The following CLSTN1 variants were observed in gnomAD, a reference collection of about 807,000 sequenced individuals.
CLSTN1 encodes the protein calsyntenin-1.
CLSTN1 carries 28 observed loss-of-function variants against 108.3 expected under a neutral mutation model. The observed-to-expected ratio is 0.26, with a 90% CI of 0.19 to 0.35. The LOEUF (loss-of-function observed/expected upper bound fraction) is 0.35, where lower values mean the gene tolerates loss of function less well. Ranked by LOEUF, CLSTN1 falls within the 10% of genes least tolerant of loss-of-function variation. The probability of loss-of-function intolerance (pLI) is 1.00; values close to 1 mark genes in which losing one functional copy is unlikely to be tolerated. For missense variants in CLSTN1, 1,157 were observed against 1,302.6 expected, an observed-to-expected ratio of 0.89 and a Z score of 1.72; for synonymous variants, 524 against 534.9, an observed-to-expected ratio of 0.98 and a Z score of 0.28.
chr1:9,818,003 CTTTTTT>C (rs35244076), intron 1 of CLSTN1, among the ~76,000 whole-genome samples: 5 of 89,140 alleles, frequency 5.6e-5, no homozygotes, highest in Non-Finnish European at 1.1e-4. Flanking sequence ...GTTAGTTTGG[CTTTTTT>C]TTTTTTTTTT....
In CLSTN1 at chr1:9,735,066, G is replaced by C; in HGVS notation, c.1992C>G (p.Ala664=). 6.2e-7 allele frequency: 1 copy of C among 1,614,246 alleles called. No homozygotes were observed. The highest frequency in any genetic ancestry group is 8.5e-7 in the Non-Finnish European group (1 of 1,180,048). The change falls in exon 14 of 19, where the codon GCC becomes GCG. Residue 664 remains alanine, a synonymous_variant. Transcript: ENST00000377298. ...KISLSGVHHF[A]RAASEFESSE... Reference sequence around the variant, plus strand: ...AGCTTTCAAATTCAGAAGCTGCTCGGGCAAAATGGTGGACGCCACTCAGGC... The same window carrying C: ...AGCTTTCAAATTCAGAAGCTGCTCGCGCAAAATGGTGGACGCCACTCAGGC...
intron 2 of CLSTN1, among the ~76,000 whole-genome samples, chr1:9,768,667 C>T (rs868091345): frequency 1.2e-4 from 6 of 49,536 alleles, no homozygotes; most frequent in Middle Eastern, 0.022. Context: ...ATCATGGGGG[C>T]GGGGTTCTGT....
intron 1 of CLSTN1, among the ~76,000 whole-genome samples, chr1:9,774,862 C>T (rs185800752): frequency 2.0e-5 from 3 of 152,238 alleles, no homozygotes; most frequent in East Asian, 3.9e-4. Flanking sequence ...CTTGATTACA[C>T]GCTAAACGAA....
rs70998306 is a variant in CLSTN1, at chr1:9,747,176, C to CAAAA, written c.985+2281_985+2284dup. On this transcript the variant is annotated intron_variant, in intron 7 of 18. Transcript: ENST00000377298. Reference sequence around the variant, plus strand: ...CCTGGGCGACAGAGGGAGACTGTCTCAAAAAAAAAAAAAAAAAAAAAAAAA... The same window carrying CAAAA: ...CCTGGGCGACAGAGGGAGACTGTCTCAAAAAAAAAAAAAAAAAAAAAAAAAAAAA... Among the ~76,000 whole-genome samples, 36 of 32,740 alleles carry CAAAA rather than the reference C, an allele frequency of 1.1e-3. 2 individuals are homozygous for CAAAA. The highest frequency in any genetic ancestry group is 2.6e-3 in the African/African-American group (32 of 12,122). 21.5% of individuals were successfully genotyped at this position (32,740 alleles called of 152,430 possible).
intron 2 of CLSTN1, among the ~76,000 whole-genome samples, chr1:9,766,456 G>A (rs1055063332): frequency 2.6e-5 from 4 of 152,210 alleles, no homozygotes; most frequent in Non-Finnish European, 2.9e-5. Flanking sequence ...CCAGGAGTTC[G>A]AGACCAGCCT....
At chr1:9,760,306 G>A (rs1652008739) in intron 2 of CLSTN1, among the ~76,000 whole-genome samples, 2 of 152,256 alleles carry the variant, frequency 1.3e-5, no homozygotes, top group African/African-American at 4.8e-5. Flanking sequence ...GTAGTTCAAG[G>A]TGGCAGGTGC....
chr1:9,787,037 G>A (rs1653528971), intron 1 of CLSTN1, among the ~76,000 whole-genome samples: 1 of 151,342 alleles, frequency 6.6e-6, no homozygotes, highest in Admixed American at 6.7e-5. Flanking sequence ...GGGGTGAAGA[G>A]GTGGCTGCAG....
At position 9,733,541 on chromosome 1, in the gene CLSTN1, C is replaced by A; in HGVS notation, c.2287G>T (p.Asp763Tyr). Reference protein sequence around the residue: ...SELGMTFTGVDTMASYEEVLH... With the variant: ...SELGMTFTGVYTMASYEEVLH... The stretch of plus-strand genomic sequence containing the variant: ...ACCTCCTCGTAGCTGGCCATGGTGT[C>A]CACGCCTGCAGGGGTTGAAAGGGGG... Residue 763 changes from aspartate (D) to tyrosine (Y), a missense_variant, in exon 16 of 19, where the codon GAC (aspartate) becomes TAC (tyrosine). By Grantham distance (160) the Asp-to-Tyr change is radical (BLOSUM62 -3). Transcript: ENST00000377298. The A allele has an allele frequency of 6.2e-7, 1 of 1,613,942 alleles. No homozygotes were observed. The highest frequency in any genetic ancestry group is 8.5e-7 in the Non-Finnish European group (1 of 1,179,992).
At chr1:9,786,673 A>C (rs1479752930) in intron 1 of CLSTN1, among the ~76,000 whole-genome samples, 20 of 149,726 alleles carry the variant, frequency 1.3e-4, no homozygotes, top group African/African-American at 4.4e-4. Flanking sequence ...AAAAAAAAAA[A>C]CAAAGGTGAG....
intron 16 of CLSTN1, 46 bp from the exon 17 acceptor site, chr1:9,731,942 C>T (rs754770899): frequency 8.1e-6 from 13 of 1,612,704 alleles, no homozygotes; most frequent in Non-Finnish European, 9.3e-6. Flanking sequence ...CATCCTGAGC[C>T]TGTCCAAGAG....
chr1:9,780,868 G>A, intron 1 of CLSTN1: 1 of 274,270 alleles, frequency 3.6e-6, no homozygotes, highest in Non-Finnish European at 6.7e-6. Context: ...AGCCGTGGCA[G>A]CGAATCCAAA....
At chr1:9,733,644 A>C in intron 15 of CLSTN1, 98 bp from the exon 16 acceptor site, 1 of 1,427,888 alleles carries the variant, frequency 7.0e-7, no homozygotes, top group Admixed American at 1.8e-5. Context: ...TTAGACACCC[A>C]GGTTAGCTAG....
At position 9,749,751 on chromosome 1, in the gene CLSTN1, G is replaced by A; in HGVS notation, c.799+13C>T. On this transcript the variant is annotated intron_variant, in intron 6 of 18. Coordinates refer to ENST00000377298, the MANE Select transcript of CLSTN1 (RefSeq NM_001009566.3). ...AGAGCAGATGTGAGCGCAGGGGAGA[G>A]AATGAAGCTCACCTTGCCACCCAGG... is the stretch of plus-strand genomic sequence containing the variant. 1.2e-6 allele frequency: 2 copies of A among 1,613,936 alleles called. No individual in the cohort carries two copies. Among genetic ancestry groups the A allele is most frequent in the East Asian group, 2.2e-5 (1 of 44,892 alleles).
In CLSTN1 at chr1:9,751,971, T is replaced by G. The variant is rs1024721446; in HGVS notation, c.441-290A>C. On this transcript the variant is annotated intron_variant, in intron 4 of 18. Transcript: ENST00000377298. ...ATCTAAAATAAAAGAGACTTGGGTG[T>G]TTTTTTTTGACAATATGGGACAAGA... Among the ~76,000 whole-genome samples the G allele has an allele frequency of 4.2e-4, 64 of 150,922 alleles. 2 individuals are homozygous for G. The highest frequency in any genetic ancestry group is 6.0e-4 in the Admixed American group (9 of 15,064).
rs763022864 is a variant in CLSTN1, at chr1:9,736,064, G to C, written c.1577-22C>G. 1.8e-5 allele frequency: 29 copies of C among 1,613,854 alleles called. No homozygotes were observed. The East Asian group carries it at 6.0e-4, about 33-fold the overall frequency. Reference sequence around the variant, plus strand: ...CCACCTTTGGGTCAGGGGAGAAAAGGCGAAGTCAGGCGTGCAACCCAGCAT... The same window carrying C: ...CCACCTTTGGGTCAGGGGAGAAAAGCCGAAGTCAGGCGTGCAACCCAGCAT... On this transcript the variant is annotated intron_variant, in intron 11 of 18. Transcript: ENST00000377298.
chr1:9,766,281 ACAGAATG>A (rs1652326874), intron 2 of CLSTN1, among the ~76,000 whole-genome samples: 1 of 152,182 alleles, frequency 6.6e-6, no homozygotes, highest in African/African-American at 2.4e-5. Context: ...TCTGACAAGA[ACAGAATG>A]CATCATCTTC....
intron 7 of CLSTN1, among the ~76,000 whole-genome samples, chr1:9,746,879 A>G (rs868207534): frequency 6.6e-6 from 1 of 152,060 alleles, no homozygotes; most frequent in Non-Finnish European, 1.5e-5. Flanking sequence ...TAAAACACAC[A>G]TAGAAGTACC....
intron 1 of CLSTN1, among the ~76,000 whole-genome samples, chr1:9,801,494 C>G (rs1654261194): frequency 6.6e-6 from 1 of 152,198 alleles, no homozygotes; most frequent in African/African-American, 2.4e-5. Context: ...AGAAATTACA[C>G]CAATTCTCTA....
intron 2 of CLSTN1, among the ~76,000 whole-genome samples, chr1:9,772,636 T>C (rs1351880579): frequency 6.6e-6 from 1 of 152,208 alleles, no homozygotes; most frequent in Admixed American, 6.5e-5. Flanking sequence ...GAAAATGCTA[T>C]TAAGTGTTAG....
Sources: gnomAD v4.1 joint callset for allele counts (sites outside exome capture counted in the v4.1 genomes callset) on GRCh38, gnomAD v4.1.1 for gene constraint, MANE v1.5 for transcripts, NCBI Gene and HGNC (gene_info 2026-07-23, HGNC 2026-07-21) for gene names.